The following LGSN variants were observed in gnomAD, a reference collection of about 807,000 sequenced individuals.
LGSN encodes the protein lengsin.
Under a neutral mutation model 19.5 loss-of-function variants are expected in LGSN, and 21 were observed. That is an observed-to-expected ratio of 1.07 (90% confidence interval 0.76 to 1.55). LGSN has a LOEUF of 1.55. Ranked by LOEUF, LGSN falls within the 40% of genes most tolerant of loss-of-function variation. LGSN has a pLI of 0.00. For synonymous variants in LGSN, 257 were observed against 215.6 expected, an observed-to-expected ratio of 1.19 and a Z score of -1.68; for missense variants, 673 against 608.5, an observed-to-expected ratio of 1.11 and a Z score of -1.12.
chr6:63,510,696 C>CA, the LGSN span, among the ~76,000 whole-genome samples: 1 of 116,426 alleles, frequency 8.6e-6, no homozygotes, highest in Non-Finnish European at 1.7e-5. Context: ...TTTGTTGAGA[C>CA]AGAGTCTCGC....
At chr6:63,371,294 A>G in the LGSN span, among the ~76,000 whole-genome samples, 1 of 152,334 alleles carries the variant, frequency 6.6e-6, no homozygotes, top group South Asian at 2.1e-4. Context: ...TGCCATAGCA[A>G]TTCAAGTCAC....
chr6:63,286,020 A>C (rs374692509), intron 2 of LGSN, among the ~76,000 whole-genome samples: 1 of 152,218 alleles, frequency 6.6e-6, no homozygotes, highest in Non-Finnish European at 1.5e-5. Context: ...TAGCGATATC[A>C]TACGTAGATA....
chr6:63,349,313 G>A, the LGSN span, among the ~76,000 whole-genome samples: 37 of 152,314 alleles, frequency 2.4e-4, no homozygotes, highest in African/African-American at 8.7e-4. Context: ...ACTGGAGACT[G>A]GGGGCTAAAT....
the LGSN span, among the ~76,000 whole-genome samples, chr6:63,568,073 A>T: frequency 3.6e-3 from 546 of 152,256 alleles, 1 homozygote; most frequent in African/African-American, 0.012. Flanking sequence ...TCTATCCAGA[A>T]CTCTAAAACT....
At chr6:63,353,506 A>G in the LGSN span, among the ~76,000 whole-genome samples, 2 of 150,440 alleles carry the variant, frequency 1.3e-5, no homozygotes, top group East Asian at 2.0e-4. Flanking sequence ...GTTTTCTACT[A>G]TACTCTTATA....
chr6:63,294,887 T>C, intron 2 of LGSN, 26 bp downstream of exon 2: 1 of 1,612,686 alleles, frequency 6.2e-7, no homozygotes, highest in Non-Finnish European at 8.5e-7. Flanking sequence ...CCACACCATT[T>C]TTGAGGACTC....
chr6:63,449,790 C>T, the LGSN span, among the ~76,000 whole-genome samples: 1 of 152,028 alleles, frequency 6.6e-6, no homozygotes, highest in African/African-American at 2.4e-5. Context: ...ACAACAGAAA[C>T]AAAACACTAA....
At chr6:63,478,715 C>G in the LGSN span, among the ~76,000 whole-genome samples, 386 of 152,242 alleles carry the variant, frequency 2.5e-3, 3 homozygotes, top group African/African-American at 8.8e-3. Context: ...AACTTATTTC[C>G]TCAAAGAAAA....
At chr6:63,400,751 T>C in the LGSN span, among the ~76,000 whole-genome samples, 1 of 152,206 alleles carries the variant, frequency 6.6e-6, no homozygotes, top group Admixed American at 6.5e-5. Context: ...CCCAGTACTT[T>C]GGGAGACTGA....
the LGSN span, among the ~76,000 whole-genome samples, chr6:63,376,146 C>T: frequency 6.6e-6 from 1 of 152,152 alleles, no homozygotes; most frequent in African/African-American, 2.4e-5. Context: ...CCCATGTTCC[C>T]CCGATGCTTG....
chr6:63,432,097 GA>G, the LGSN span, among the ~76,000 whole-genome samples: 2 of 31,268 alleles, frequency 6.4e-5, no homozygotes, highest in Non-Finnish European at 1.2e-4. Flanking sequence ...AGGAAAGAAA[GA>G]AAGAAAGAAA....
At chr6:63,301,869 C>T (rs1208436427) in intron 1 of LGSN, among the ~76,000 whole-genome samples, 2 of 152,050 alleles carry the variant, frequency 1.3e-5, no homozygotes, top group African/African-American at 4.8e-5. Context: ...CTTTTGAAAA[C>T]CTTTTAATTA....
the LGSN span, among the ~76,000 whole-genome samples, chr6:63,464,516 A>T: frequency 1.3e-5 from 2 of 150,640 alleles, no homozygotes; most frequent in Non-Finnish European, 2.9e-5. Context: ...CTTAGCTTAA[A>T]ATCTAGTATG....
At chr6:63,497,852 C>G in the LGSN span, among the ~76,000 whole-genome samples, 1 of 151,656 alleles carries the variant, frequency 6.6e-6, no homozygotes, top group African/African-American at 2.4e-5. Flanking sequence ...AATTCTCTTC[C>G]CACATATGAA....
At chr6:63,368,387 G>A in the LGSN span, among the ~76,000 whole-genome samples, 7 of 152,244 alleles carry the variant, frequency 4.6e-5, no homozygotes, top group South Asian at 1.4e-3. Context: ...CTAACCGTCT[G>A]TGGGAACTTT....
chr6:63,421,445 C>T, the LGSN span, among the ~76,000 whole-genome samples: 1 of 138,572 alleles, frequency 7.2e-6, no homozygotes, highest in Non-Finnish European at 1.6e-5. Context: ...ATTATTCAGT[C>T]GGGGCCAGGC....
At chr6:63,412,424 A>AAGAG in the LGSN span, among the ~76,000 whole-genome samples, 95 of 129,874 alleles carry the variant, frequency 7.3e-4, no homozygotes, top group African/African-American at 2.3e-3. Flanking sequence ...AGAAGAAAGA[A>AAGAG]AGAAAGAAAG....
At chr6:63,307,556 C>A (rs552476897) in intron 1 of LGSN, among the ~76,000 whole-genome samples, 1 of 152,190 alleles carries the variant, frequency 6.6e-6, no homozygotes, top group Non-Finnish European at 1.5e-5. Flanking sequence ...TAGAGTGGAC[C>A]ATTAAGAGGC....
At chr6:63,471,702 T>G in the LGSN span, among the ~76,000 whole-genome samples, 2 of 151,286 alleles carry the variant, frequency 1.3e-5, no homozygotes, top group African/African-American at 2.4e-5. Flanking sequence ...TATAATGGAA[T>G]GAAGATTTAC....
Sources: gnomAD v4.1 joint callset for allele counts (sites outside exome capture counted in the v4.1 genomes callset) on GRCh38, gnomAD v4.1.1 for gene constraint, MANE v1.5 for transcripts, NCBI Gene and HGNC (gene_info 2026-07-23, HGNC 2026-07-21) for gene names.